The following FLNC variants were observed in gnomAD, a reference collection of about 807,000 sequenced individuals.
The protein encoded by FLNC is filamin C, also known as filamin-C.
FLNC carries 91 observed loss-of-function variants against 254.3 expected under a neutral mutation model. The ratio of observed to expected loss-of-function variants is 0.36; its 90% confidence interval spans 0.30 to 0.43. The LOEUF (loss-of-function observed/expected upper bound fraction) is 0.43. FLNC is among the 20% of genes least tolerant of loss of function. The probability of loss-of-function intolerance (pLI) is 1.00; values close to 1 mark genes in which losing one functional copy is unlikely to be tolerated. For synonymous variants in FLNC, 1,430 were observed against 1,577.2 expected (o/e 0.91, Z 2.21); for missense variants, 2,853 against 3,802.6 (o/e 0.75, Z 6.57).
rs1554401890 is a variant in FLNC, at chr7:128,857,182, T to C, written c.7626T>C (p.Ile2542=). The C allele has an allele frequency of 1.2e-6, 2 of 1,614,134 alleles. No individual in the cohort carries two copies. The highest frequency in any genetic ancestry group is 1.3e-5 in the African/African-American group (1 of 75,048). The part of the protein sequence containing the change: ...NAGSGALSVT[I]DGPSKVQLDC... ...GCTCGGGGGCCTTGTCTGTCACCAT[T>C]GATGGCCCCTCCAAGGTGCAGCTGG... The change falls in exon 46 of 48, where the codon ATT becomes ATC. Residue 2542 remains isoleucine (I), a synonymous_variant. Coordinates refer to ENST00000325888, the MANE Select transcript of FLNC (RefSeq NM_001458.5). This position sits in a 1 kb window ranked among gnomAD's most constrained non-coding sequence, Gnocchi z 4.5.
rs368660628 is a variant in FLNC, at chr7:128,848,556, T to A, written c.4581-5T>A. 1.9e-4 allele frequency: 304 copies of A among 1,613,802 alleles called. No homozygotes were observed. In the African/African-American group the frequency reaches 3.3e-3, roughly 17 times the overall value. The stretch of plus-strand genomic sequence containing the variant: ...GCCAACTGTTTATCCCTTCTGCTCC[T>A]CAAGCCCCTTCAAGATCAAGGTCCT... On this transcript the variant is annotated splice_polypyrimidine_tract_variant and splice_region_variant and intron_variant, in intron 26 of 47. Transcript: ENST00000325888.
intron 20 of FLNC, 129 bp from the exon 21 acceptor site, chr7:128,844,529 C>A: frequency 1.0e-6 from 1 of 992,762 alleles, no homozygotes; most frequent in South Asian, 1.3e-5. Context: ...AATGTCATCA[C>A]CTGGGATTGT....
Position 128,851,437 on chromosome 7 carries a change from C to T in FLNC, c.5669-18C>T. ...GTGAGGGCAGGACCTCTGATCTTGG[C>T]CACACCTCCACCTACAGGGGGTCTG... On this transcript the variant is annotated intron_variant, in intron 34 of 47. Transcript: ENST00000325888. 6.2e-7 allele frequency: 1 copy of T among 1,613,922 alleles called. No individual in the cohort carries two copies. The highest frequency in any genetic ancestry group is 8.5e-7 in the Non-Finnish European group (1 of 1,180,032).
In FLNC at chr7:128,858,473, TG is replaced by T. The variant is rs1169322231; in HGVS notation, c.8132del (p.Gly2711ValfsTer61). ...EKGDYILIVK[W>X]GDESVPGSPF... ...AGGGGACTACATCCTCATTGTCAAGTGGGGTGACGAAAGTGTCCCTGGAAGC... is the reference window on the plus strand; with the variant it reads ...AGGGGACTACATCCTCATTGTCAAGTGGGTGACGAAAGTGTCCCTGGAAGC... On this transcript the variant is annotated frameshift_variant, in exon 48 of 48. Coordinates refer to ENST00000325888, the MANE Select transcript of FLNC (RefSeq NM_001458.5). LOFTEE classifies it high-confidence loss of function. This position sits in a 1 kb window ranked among gnomAD's most constrained non-coding sequence, Gnocchi z 6.7. 6.2e-7 allele frequency: 1 copy of T among 1,613,746 alleles called. No individual in the cohort carries two copies. Among genetic ancestry groups the T allele is most frequent in the Non-Finnish European group, 8.5e-7 (1 of 1,179,950 alleles).
At chr7:128,848,100 G>C in intron 26 of FLNC, 32 bp downstream of exon 26, 1 of 1,580,808 alleles carries the variant, frequency 6.3e-7, no homozygotes, top group South Asian at 1.2e-5. Flanking sequence ...CTGTGCTGCG[G>C]CTGAGCTCTG....
chr7:128,841,554 A>G lies in FLNC; in HGVS notation c.2108A>G (p.Lys703Arg), dbSNP rs753914864. 1.9e-5 allele frequency: 31 copies of G among 1,612,584 alleles called. No individual in the cohort carries two copies. Among genetic ancestry groups the G allele is most frequent in the Non-Finnish European group, 2.5e-5 (30 of 1,178,596 alleles). The change falls in exon 13 of 48, where the codon AAG becomes AGG. Residue 703 changes from lysine (K) to arginine (R), a missense_variant. Coordinates refer to ENST00000325888, the MANE Select transcript of FLNC (RefSeq NM_001458.5). This position sits in a 1 kb window ranked among gnomAD's most constrained non-coding sequence, Gnocchi z 4.3. ...DARAAGKGDL[K>R]LYAQDADGCP... ...CGTGCAGCTGGCAAGGGAGACCTGA[A>G]GCTCTATGCCCAGGTAGGTCATTGT...
Position 128,837,516 on chromosome 7 carries a change from T to C in FLNC, c.818T>C (p.Leu273Pro). 1 of 1,614,182 alleles carries C rather than the reference T, an allele frequency of 6.2e-7. No homozygotes were observed. Among genetic ancestry groups the C allele is most frequent in the Non-Finnish European group, 8.5e-7 (1 of 1,180,022 alleles). Residue 273 changes from leucine to proline, a missense_variant, in exon 4 of 48, where the codon CTG becomes CCG. By Grantham distance (98) the Leu-to-Pro change is moderately conservative (BLOSUM62 -3). Coordinates refer to ENST00000325888, the MANE Select transcript of FLNC (RefSeq NM_001458.5). ...KPGAPVRSKQ[L>P]NPKKAIAYGP... ...GGTGCCCCTGTTCGATCCAAGCAGC[T>C]GAACCCCAAGAAAGCCATCGCCTAT...
chr7:128,850,862 G>A lies in FLNC; in HGVS notation c.5458G>A (p.Gly1820Ser), dbSNP rs763930207. ...ARPNITDNKD[G>S]TITVRYAPTE... Reference sequence around the variant, plus strand: ...GCCCAACATCACCGACAACAAGGACGGCACCATCACGGTGAGGTATGCACC... The same window carrying A: ...GCCCAACATCACCGACAACAAGGACAGCACCATCACGGTGAGGTATGCACC... The change falls in exon 33 of 48, where the codon GGC (glycine) becomes AGC (serine). Residue 1820 changes from glycine to serine, a missense_variant. By Grantham distance (56) the Gly-to-Ser change is moderately conservative. This residue lies in a region of FLNC where 258 missense variants were observed against 312.3 expected (regional missense o/e 0.83). Transcript: ENST00000325888. 12 of 1,613,598 alleles carry A rather than the reference G, an allele frequency of 7.4e-6. No homozygotes were observed. Among genetic ancestry groups the A allele is most frequent in the East Asian group, 2.2e-5 (1 of 44,890 alleles).
intron 1 of FLNC, among the ~76,000 whole-genome samples, chr7:128,834,665 A>G (rs1012340479): frequency 2.6e-5 from 4 of 152,156 alleles, no homozygotes; most frequent in Admixed American, 1.3e-4. Context: ...TAGTGTCTAG[A>G]GTGAAAAAAA....
chr7:128,843,265 C>G lies in FLNC; in HGVS notation c.2587C>G (p.Pro863Ala), dbSNP rs754750752. The G allele has an allele frequency of 8.7e-6, 14 of 1,610,302 alleles. No individual in the cohort carries two copies. The highest frequency in any genetic ancestry group is 2.2e-5 in the South Asian group (2 of 90,334). Residue 863 changes from proline to alanine, a missense_variant, in exon 17 of 48, where the codon CCA (proline) becomes GCA (alanine). Pro to Ala is a conservative substitution (Grantham distance 27). Transcript: ENST00000325888. Reference sequence around the variant, plus strand: ...CAGCCCCTTCCACATCAAGGTGGACCCATCCCACGATGCCAGCAAAGTCAA... The same window carrying G: ...CAGCCCCTTCCACATCAAGGTGGACGCATCCCACGATGCCAGCAAAGTCAA... ...PASPFHIKVD[P>A]SHDASKVKAE...
rs891534198 is a variant in FLNC at position 128,839,186 on chromosome 7, G to A, written c.1411+383G>A. 3.3e-5 allele frequency among the ~76,000 whole-genome samples: 5 copies of A among 152,244 alleles called. No individual in the cohort carries two copies. In the South Asian group the frequency reaches 6.2e-4, roughly 19 times the overall value. On this transcript the variant is annotated intron_variant, in intron 8 of 47. Coordinates refer to ENST00000325888, the MANE Select transcript of FLNC (RefSeq NM_001458.5). Reference sequence around the variant, plus strand: ...AGTGGAGGCGGGGCCAGGCATGGCCGCAGCTGACTGGCCTCACCTGTGCTG... The same window carrying A: ...AGTGGAGGCGGGGCCAGGCATGGCCACAGCTGACTGGCCTCACCTGTGCTG...
intron 32 of FLNC, 114 bp from the exon 33 acceptor site, chr7:128,850,689 C>G: frequency 6.6e-7 from 1 of 1,518,002 alleles, no homozygotes; most frequent in Non-Finnish European, 9.0e-7. Context: ...CAGGCTGTCT[C>G]TTGATGCCTG....
In FLNC at chr7:128,842,975, T is replaced by A. The variant is rs780637309; in HGVS notation, c.2550+21T>A. 2 of 1,613,100 alleles carry A rather than the reference T, an allele frequency of 1.2e-6. No individual in the cohort carries two copies. The highest frequency in any genetic ancestry group is 2.2e-5 in the East Asian group (1 of 44,882). On this transcript the variant is annotated intron_variant, in intron 16 of 47. Transcript: ENST00000325888. The surrounding 1 kb of genome is among the most constrained non-coding windows in gnomAD (Gnocchi z 5.4). ...ACCAGGTACCTAAGCTCCTGGGTACTCACAGCGACATGCACCTGCCAGCTC... is the reference window on the plus strand; with the variant it reads ...ACCAGGTACCTAAGCTCCTGGGTACACACAGCGACATGCACCTGCCAGCTC...
rs754160175 is a variant in FLNC at position 128,853,022 on chromosome 7, C to T, written c.6199C>T (p.Arg2067Cys). 6.8e-6 allele frequency: 11 copies of T among 1,613,134 alleles called. No homozygotes were observed. The highest frequency in any genetic ancestry group is 4.5e-5 in the East Asian group (2 of 44,872). ...FQVAEFIVDT[R>C]NAGYGGLGLS... ...GGTGGCAGAGTTCATCGTGGACACT[C>T]GCAATGCAGGTACCTCCTGCCCCAG... The change falls in exon 37 of 48, where the codon CGC (arginine) becomes TGC (cysteine). Residue 2067 changes from arginine (R) to cysteine (C), a missense_variant. By Grantham distance (180) the Arg-to-Cys change is radical. Coordinates refer to ENST00000325888, the MANE Select transcript of FLNC (RefSeq NM_001458.5).
intron 37 of FLNC, 146 bp from the exon 38 acceptor site, chr7:128,853,323 C>T (rs1808903628): frequency 9.8e-7 from 1 of 1,017,694 alleles, no homozygotes; most frequent in Non-Finnish European, 1.5e-6. Flanking sequence ...CGTGGTGCCC[C>T]CGCTCCTCCC....
In FLNC at chr7:128,846,758, G is replaced by T. The variant is rs766513255; in HGVS notation, c.4141G>T (p.Gly1381Trp). Residue 1381 changes from glycine to tryptophan, a missense_variant, in exon 24 of 48, where the codon GGG becomes TGG. This residue lies in a region of FLNC where 1,573 missense variants were observed against 1,883.5 expected (regional missense o/e 0.84). Transcript: ENST00000325888. ...FTVETRGAGTGGLGLAIEGPS... is the reference protein window; with the variant it reads ...FTVETRGAGTWGLGLAIEGPS... ...GTTATCTCTCAGGGGAGCGGGCACCGGGGGCCTTGGCCTAGCCATCGAGGG... is the reference window on the plus strand; with the variant it reads ...GTTATCTCTCAGGGGAGCGGGCACCTGGGGCCTTGGCCTAGCCATCGAGGG... The T allele has an allele frequency of 2.5e-6, 4 of 1,613,492 alleles. No individual in the cohort carries two copies. Among genetic ancestry groups the T allele is most frequent in the African/African-American group, 1.3e-5 (1 of 74,938 alleles).
Position 128,837,649 on chromosome 7 carries a change from A to G in FLNC, c.863A>G (p.Gln288Arg), listed in dbSNP as rs1808151950. The G allele has an allele frequency of 6.2e-7, 1 of 1,612,738 alleles. No homozygotes were observed. Among genetic ancestry groups the G allele is most frequent in the Non-Finnish European group, 8.5e-7 (1 of 1,179,994 alleles). Residue 288 changes from glutamine (Q) to arginine (R), a missense_variant, in exon 5 of 48, where the codon CAG (glutamine) becomes CGG (arginine). Gln to Arg is a conservative substitution (Grantham distance 43). Coordinates refer to ENST00000325888, the MANE Select transcript of FLNC (RefSeq NM_001458.5). ...AIAYGPGIEP[Q>R]GNTVLQPAHF... ...TCCTGCCCCGTAGGCATCGAGCCAC[A>G]GGGCAACACCGTGCTGCAGCCTGCC... is the stretch of plus-strand genomic sequence containing the variant.
At position 128,856,638 on chromosome 7, in the gene FLNC, G is replaced by C; in HGVS notation, c.7372G>C (p.Glu2458Gln). Reference protein sequence around the residue: ...SGAVEECYVSELDSDKHTIRF... With the variant: ...SGAVEECYVSQLDSDKHTIRF... Reference sequence around the variant, plus strand: ...GGCTGTGGAGGAGTGCTACGTCTCTGAGCTGGACAGTGGTGAGCTGGCCCT... The same window carrying C: ...GGCTGTGGAGGAGTGCTACGTCTCTCAGCTGGACAGTGGTGAGCTGGCCCT... Residue 2458 changes from glutamate to glutamine, a missense_variant, in exon 44 of 48, where the codon GAG (glutamate) becomes CAG (glutamine). Coordinates refer to ENST00000325888, the MANE Select transcript of FLNC (RefSeq NM_001458.5). The surrounding 1 kb of genome is among the most constrained non-coding windows in gnomAD (Gnocchi z 5.9). The C allele has an allele frequency of 5.6e-6, 9 of 1,613,052 alleles. No individual in the cohort carries two copies. The highest frequency in any genetic ancestry group is 7.6e-6 in the Non-Finnish European group (9 of 1,180,012).
Position 128,857,431 on chromosome 7 carries a change from C to A in FLNC, c.7780+95C>A. 6 of 764,524 alleles carry A rather than the reference C, an allele frequency of 7.8e-6. No homozygotes were observed. The highest frequency in any genetic ancestry group is 1.1e-5 in the Non-Finnish European group (5 of 441,930). The allele number at this position is 764,524 out of a possible 1,614,324, so 47.4% of individuals were successfully genotyped here. ...CGCACATCTAGGCCATAGTCTGCCC[C>A]CAGACATCATGGTCAGTTTACCAGG... On this transcript the variant is annotated intron_variant, in intron 46 of 47. Transcript: ENST00000325888. The surrounding 1 kb of genome is among the most constrained non-coding windows in gnomAD (Gnocchi z 4.5).
Sources: allele counts gnomAD v4.1 joint callset (sites outside exome capture counted in the v4.1 genomes callset), GRCh38; gene constraint gnomAD v4.1.1; regional missense constraint gnomAD v4.1.1; non-coding constraint Gnocchi (gnomAD v3.1); transcripts MANE v1.5; gene names NCBI Gene and HGNC (gene_info 2026-07-23, HGNC 2026-07-21).